The following MSRA variants were observed in gnomAD, a reference collection of about 807,000 sequenced individuals.
MSRA encodes mitochondrial peptide methionine sulfoxide reductase.
In MSRA, 54 loss-of-function variants were observed where a neutral mutation model predicts 31.3. That is an observed-to-expected ratio of 1.73 (90% CI 1.39 to 2.17). MSRA has a LOEUF of 2.17. Ranked by LOEUF, MSRA falls within the 30% of genes most tolerant of loss-of-function variation. MSRA has a pLI of 0.00. For synonymous variants in MSRA, 169 were observed against 116.5 expected (o/e 1.45, Z -2.90); for missense variants, 507 against 300.9 (o/e 1.69, Z -5.07).
At chr8:10,233,794 T>A (rs903134064) in intron 2 of MSRA, among the ~76,000 whole-genome samples, 7 of 152,212 alleles carry the variant, frequency 4.6e-5, no homozygotes, top group African/African-American at 1.7e-4. Flanking sequence ...CTGAAGACTT[T>A]TTAGAAATGA....
chr8:10,192,849 G>T (rs1469885337), intron 1 of MSRA, among the ~76,000 whole-genome samples: 1 of 139,062 alleles, frequency 7.2e-6, no homozygotes, highest in Non-Finnish European at 1.5e-5. Flanking sequence ...GTTTACCACC[G>T]TTTATAACAG....
At chr8:10,261,661 A>G (rs1798491894) in intron 3 of MSRA, among the ~76,000 whole-genome samples, 1 of 152,154 alleles carries the variant, frequency 6.6e-6, no homozygotes. Context: ...TTGGCTATTA[A>G]CATCTTAGTG....
At chr8:10,415,121 C>G (rs1189811350) in intron 5 of MSRA, among the ~76,000 whole-genome samples, 8 of 152,180 alleles carry the variant, frequency 5.3e-5, no homozygotes, top group Admixed American at 1.3e-4. Context: ...TGGGTGGTTG[C>G]ACATTTCAAC....
rs58263674 is a variant in MSRA, at chr8:10,390,979, G to GAAAA, written c.544-37158_544-37155dup. Among the ~76,000 whole-genome samples the GAAAA allele has an allele frequency of 6.5e-5, 9 of 138,656 alleles. 1 individual carries two copies. The highest frequency in any genetic ancestry group is 1.1e-4 in the Non-Finnish European group (7 of 66,172). The allele number at this position is 138,656 out of a possible 152,430, so 91.0% of individuals were successfully genotyped here. On this transcript the variant is annotated intron_variant, in intron 5 of 5. Coordinates refer to ENST00000317173, the MANE Select transcript of MSRA (RefSeq NM_012331.5). ...CGATAAGTGAGACTCTGTCTCAAAA[G>GAAAA]AAAAAAAAAAAAAACAGCACAAGGT...
chr8:10,238,763 A>G (rs564232834), intron 2 of MSRA, among the ~76,000 whole-genome samples: 4 of 152,350 alleles, frequency 2.6e-5, no homozygotes, highest in African/African-American at 9.6e-5. Flanking sequence ...AATTATTTCC[A>G]TATGGTCTAA....
At chr8:10,393,688 T>C (rs1054802506) in intron 5 of MSRA, among the ~76,000 whole-genome samples, 1 of 152,184 alleles carries the variant, frequency 6.6e-6, no homozygotes, top group Non-Finnish European at 1.5e-5. Flanking sequence ...CCGTATGTCT[T>C]GTATAGTTTA....
In MSRA at chr8:10,409,465, G is replaced by C. The variant is rs376418920; in HGVS notation, c.544-18683G>C. Among the ~76,000 whole-genome samples the C allele has an allele frequency of 1.3e-4, 20 of 152,314 alleles. No homozygotes were observed. The East Asian group carries it at 1.7e-3, about 13-fold the overall frequency. On this transcript the variant is annotated intron_variant, in intron 5 of 5. Coordinates refer to ENST00000317173, the MANE Select transcript of MSRA (RefSeq NM_012331.5). ...TTTTAGTTAAGATGGCAGATTTGGT[G>C]AGTGGTTGAGAACCATGGCTCCAGA...
At chr8:10,409,033 G>T (rs756849282) in intron 5 of MSRA, among the ~76,000 whole-genome samples, 17 of 152,184 alleles carry the variant, frequency 1.1e-4, no homozygotes, top group Non-Finnish European at 1.9e-4. Context: ...ACACATCTGA[G>T]TGCAGGTGTC....
intron 5 of MSRA, among the ~76,000 whole-genome samples, chr8:10,338,892 G>A (rs1480830300): frequency 2.0e-5 from 3 of 152,128 alleles, no homozygotes; most frequent in Non-Finnish European, 2.9e-5. Context: ...GCTGATGTGC[G>A]GGCAAAGGTT....
intron 5 of MSRA, among the ~76,000 whole-genome samples, chr8:10,332,347 AT>A (rs869107876): frequency 1.3e-5 from 2 of 152,070 alleles, no homozygotes; most frequent in African/African-American, 4.8e-5. Flanking sequence ...TCTTTAAAAA[AT>A]TTTTTTTATC....
At chr8:10,336,417 T>C (rs1803046817) in intron 5 of MSRA, among the ~76,000 whole-genome samples, 1 of 150,314 alleles carries the variant, frequency 6.7e-6, no homozygotes, top group Non-Finnish European at 1.5e-5. Flanking sequence ...GCACATGTGA[T>C]AGAAAAAAAA....
chr8:10,391,252 C>G (rs375856128), intron 5 of MSRA, among the ~76,000 whole-genome samples: 1 of 152,158 alleles, frequency 6.6e-6, no homozygotes, highest in Non-Finnish European at 1.5e-5. Flanking sequence ...AGGTTTATTT[C>G]TCATTGCTAC....
chr8:10,267,942 G>A (rs532010787), intron 3 of MSRA, among the ~76,000 whole-genome samples: 1 of 152,282 alleles, frequency 6.6e-6, no homozygotes, highest in East Asian at 1.9e-4. Flanking sequence ...CCCCATCCCA[G>A]ACCCTGAGGC....
intron 3 of MSRA, among the ~76,000 whole-genome samples, chr8:10,285,258 T>C (rs1012961838): frequency 1.3e-5 from 2 of 152,126 alleles, no homozygotes; most frequent in African/African-American, 4.8e-5. Flanking sequence ...TCTTACGGAG[T>C]AGTCTTGCCT....
chr8:10,057,363 G>A (rs1051605382), intron 1 of MSRA, among the ~76,000 whole-genome samples: 1 of 152,124 alleles, frequency 6.6e-6, no homozygotes, highest in Non-Finnish European at 1.5e-5. Flanking sequence ...AGGGACAAGG[G>A]GAATTCATAC....
chr8:10,156,582 T>C (rs1804168661), intron 1 of MSRA, among the ~76,000 whole-genome samples: 1 of 152,164 alleles, frequency 6.6e-6, no homozygotes, highest in South Asian at 2.1e-4. Context: ...TAAAACTAAG[T>C]GGCATAGAAA....
chr8:10,135,061 G>A (rs1228043922), intron 1 of MSRA, among the ~76,000 whole-genome samples: 1 of 152,242 alleles, frequency 6.6e-6, no homozygotes, highest in South Asian at 2.1e-4. Flanking sequence ...GAGGAAGCTG[G>A]TGTAGGAATG....
At chr8:10,327,022 CCTT>C (rs778045252) in intron 5 of MSRA, among the ~76,000 whole-genome samples, 6 of 152,176 alleles carry the variant, frequency 3.9e-5, no homozygotes, top group Non-Finnish European at 7.3e-5. Context: ...TGACCTGGCT[CCTT>C]CTGCCAGCTC....
intron 1 of MSRA, among the ~76,000 whole-genome samples, chr8:10,135,913 T>A (rs1264153307): frequency 2.6e-5 from 4 of 152,168 alleles, no homozygotes; most frequent in African/African-American, 9.7e-5. Context: ...AGATGCTTTA[T>A]CTAATAATCA....
Sources: allele counts gnomAD v4.1 joint callset (sites outside exome capture counted in the v4.1 genomes callset), GRCh38; gene constraint gnomAD v4.1.1; transcripts MANE v1.5; gene names NCBI Gene and HGNC (gene_info 2026-07-23, HGNC 2026-07-21).